RPL27A: variants seen among roughly 807,000 people sequenced by gnomAD.
RPL27A encodes the protein ribosomal protein L27a, also known as large ribosomal subunit protein uL15.
For synonymous variants in RPL27A, 69 were observed against 68.3 expected, an observed-to-expected ratio of 1.01 and a Z score of -0.05; for missense variants, 118 against 189.4, an observed-to-expected ratio of 0.62 and a Z score of 2.21.
chr11:8,683,879 T>G (rs774959472), intron 2 of RPL27A, 127 bp from the exon 3 acceptor site: 1 of 767,002 alleles, frequency 1.3e-6, no homozygotes, highest in Admixed American at 1.8e-5. Flanking sequence ...CGGGGGTTTC[T>G]CCGTGTTGGC....
Position 8,688,217 on chromosome 11 carries a change from A to G in RPL27A, c.*2411A>G, listed in dbSNP as rs559646866. On this transcript the variant is annotated 3_prime_UTR_variant, in exon 5 of 5. Coordinates refer to ENST00000314138, the MANE Select transcript of RPL27A (RefSeq NM_000990.5). ...AGACGGCATAATGGACGGGACTTGG[A>G]GACTGAATTGTAGTGGGCCGACCAC... 1 of 152,268 alleles carries G rather than the reference A, an allele frequency of 6.6e-6. No individual in the cohort carries two copies. The highest frequency in any genetic ancestry group is 1.5e-5 in the Non-Finnish European group (1 of 68,050). The allele number at this position is 152,268 out of a possible 1,614,324, so 9.4% of individuals were successfully genotyped here. A position where few individuals can be genotyped will look rare whatever the true frequency, so the allele number is the denominator to read the frequency against.
chr11:8,688,945 C>A lies in RPL27A; in HGVS notation c.*3139C>A, dbSNP rs1427782557. 2 of 152,274 alleles carry A rather than the reference C, an allele frequency of 1.3e-5. No homozygotes were observed. Among genetic ancestry groups the A allele is most frequent in the Non-Finnish European group, 2.9e-5 (2 of 68,062 alleles). 9.4% of individuals were successfully genotyped at this position (152,274 alleles called of 1,614,324 possible). A position where few individuals can be genotyped will look rare whatever the true frequency, so the allele number is the denominator to read the frequency against. On this transcript the variant is annotated 3_prime_UTR_variant, in exon 5 of 5. Transcript: ENST00000314138. The stretch of plus-strand genomic sequence containing the variant: ...GGCGTCCTCACAACACAGACCGGAC[C>A]TTGGGTCTTACCCCGGCACCTGAGA...
chr11:8,683,628 C>T (rs979596801), intron 2 of RPL27A: 6 of 483,034 alleles, frequency 1.2e-5, no homozygotes, highest in Non-Finnish European at 2.3e-5. Flanking sequence ...GGGAAACACT[C>T]TGCTTTTGTG....
At chr11:8,685,228 T>A (rs2039575219) in intron 4 of RPL27A, 4 of 432,332 alleles carry the variant, frequency 9.3e-6, no homozygotes, top group South Asian at 8.2e-5. Flanking sequence ...AAAACAGATG[T>A]ATTATGTCTG....
At chr11:8,682,945 C>G in intron 1 of RPL27A, 129 bp downstream of exon 1, 1 of 1,301,822 alleles carries the variant, frequency 7.7e-7, no homozygotes, top group Non-Finnish European at 1.1e-6. Flanking sequence ...GCCTGCGGGG[C>G]AGGGTGGCCG....
chr11:8,684,086 G>T lies in RPL27A; in HGVS notation c.143+5G>T. 6.2e-7 allele frequency: 1 copy of T among 1,612,420 alleles called. No individual in the cohort carries two copies. ...CCGGATCAACTTCGACAAATAGTAA[G>T]TGTCCTTGGACTGCTTTTATTGACA... On this transcript the variant is annotated splice_donor_5th_base_variant and intron_variant, in intron 3 of 4. Coordinates refer to ENST00000314138, the MANE Select transcript of RPL27A (RefSeq NM_000990.5).
At chr11:8,684,484 C>T in intron 3 of RPL27A, 2 of 684,764 alleles carry the variant, frequency 2.9e-6, no homozygotes, top group Admixed American at 4.0e-5. Flanking sequence ...TCGGCCCTGC[C>T]TCTGACATTG....
Position 8,684,000 on chromosome 11 carries a change from C to T in RPL27A, c.68-6C>T, listed in dbSNP as rs956879536. ...ACCGGCCCCACGTAGCTTTGTATTCCTGCAGGCAAGCACCGGAAGCACCCC... is the reference window on the plus strand; with the variant it reads ...ACCGGCCCCACGTAGCTTTGTATTCTTGCAGGCAAGCACCGGAAGCACCCC... On this transcript the variant is annotated splice_region_variant and splice_polypyrimidine_tract_variant and intron_variant, in intron 2 of 4. Transcript: ENST00000314138. The T allele has an allele frequency of 5.0e-6, 8 of 1,610,572 alleles. No homozygotes were observed. In the Middle Eastern group the frequency reaches 9.9e-4, roughly 199 times the overall value.
chr11:8,683,353 G>A (rs1171638125), intron 2 of RPL27A, 88 bp downstream of exon 2: 6 of 1,119,498 alleles, frequency 5.4e-6, no homozygotes, highest in Admixed American at 1.9e-5. Context: ...AAGTGGGTTA[G>A]AATAAGACCT....
chr11:8,683,047 A>G, intron 1 of RPL27A, 155 bp from the exon 2 acceptor site: 1 of 868,894 alleles, frequency 1.2e-6, no homozygotes, highest in Non-Finnish European at 1.8e-6. Flanking sequence ...CCGTGGTGAG[A>G]CCTCACGGCC....
At chr11:8,685,404 CAG>C (rs1379475450) in intron 4 of RPL27A, 3 of 618,376 alleles carry the variant, frequency 4.9e-6, no homozygotes, top group South Asian at 2.8e-5. Context: ...TTTTGCTTAG[CAG>C]GGGGTATTTG....
At chr11:8,682,928 C>A in intron 1 of RPL27A, 112 bp downstream of exon 1, 1 of 1,390,916 alleles carries the variant, frequency 7.2e-7, no homozygotes, top group Non-Finnish European at 9.8e-7. Flanking sequence ...CCAGGCTGCG[C>A]ATGGCCGCCT....
chr11:8,684,634 C>G (rs1374529017), intron 3 of RPL27A, 84 bp from the exon 4 acceptor site: 1 of 1,199,084 alleles, frequency 8.3e-7, no homozygotes, highest in Middle Eastern at 1.9e-4. Flanking sequence ...AATTTACACT[C>G]TAATAGGGGG....
At chr11:8,684,638 TA>T in intron 3 of RPL27A, 79 bp from the exon 4 acceptor site, 2 of 1,213,820 alleles carry the variant, frequency 1.6e-6, no homozygotes, top group Non-Finnish European at 2.4e-6. Context: ...TACACTCTAA[TA>T]GGGGGTGGTA....
chr11:8,686,818 T>C lies in RPL27A; in HGVS notation c.*1012T>C, dbSNP rs1355144633. On this transcript the variant is annotated 3_prime_UTR_variant, in exon 5 of 5. Transcript: ENST00000314138. Reference sequence around the variant, plus strand: ...CAAATAAGATCCTCATAGATCTCGGTAAATTATAATTTGCTACAGTTTTAT... The same window carrying C: ...CAAATAAGATCCTCATAGATCTCGGCAAATTATAATTTGCTACAGTTTTAT... 6.6e-6 allele frequency: 1 copy of C among 152,218 alleles called. No individual in the cohort carries two copies. The highest frequency in any genetic ancestry group is 1.5e-5 in the Non-Finnish European group (1 of 68,042). The allele number at this position is 152,218 out of a possible 1,614,324, so 9.4% of individuals were successfully genotyped here. A position where few individuals can be genotyped will look rare whatever the true frequency, so the allele number is the denominator to read the frequency against.
chr11:8,685,931 G>C lies in RPL27A; in HGVS notation c.*125G>C. The stretch of plus-strand genomic sequence containing the variant: ...GCCCAGGTTCTAGTACTTAGGGTAT[G>C]AAGACATGGGGTCCTCTCCTGACTT... On this transcript the variant is annotated 3_prime_UTR_variant, in exon 5 of 5. Transcript: ENST00000314138. 1.2e-6 allele frequency: 1 copy of C among 853,744 alleles called. No individual in the cohort carries two copies. The allele number at this position is 853,744 out of a possible 1,614,324, so 52.9% of individuals were successfully genotyped here. A position where few individuals can be genotyped will look rare whatever the true frequency, so the allele number is the denominator to read the frequency against.
At chr11:8,685,649 A>G (rs773973282) in intron 4 of RPL27A, 29 bp from the exon 5 acceptor site, 106 of 1,613,330 alleles carry the variant, frequency 6.6e-5, no homozygotes, top group Non-Finnish European at 8.4e-5. Flanking sequence ...ACTACAGTGT[A>G]TTGTAAACTT....
chr11:8,683,106 T>G, intron 1 of RPL27A, 96 bp from the exon 2 acceptor site: 3 of 1,304,640 alleles, frequency 2.3e-6, no homozygotes, highest in Non-Finnish European at 2.2e-6. Context: ...AGAAGTTAGG[T>G]CTTTGACCCA....
At chr11:8,683,007 G>A (rs780156130) in intron 1 of RPL27A, 191 bp downstream of exon 1, 33 of 879,110 alleles carry the variant, frequency 3.8e-5, no homozygotes, top group Non-Finnish European at 5.5e-5. Flanking sequence ...CCGCGGTTCG[G>A]ATCTCTAGGA....
Sources: allele counts gnomAD v4.1 joint callset, GRCh38; gene constraint gnomAD v4.1.1; transcripts MANE v1.5; gene names NCBI Gene and HGNC (gene_info 2026-07-23, HGNC 2026-07-21).